RALGPS1: variants seen among roughly 807,000 people sequenced by gnomAD.
RALGPS1 encodes the protein ras-specific guanine nucleotide-releasing factor RalGPS1.
In RALGPS1, 19 loss-of-function variants were observed where a neutral mutation model predicts 78.8. The ratio of observed to expected loss-of-function variants is 0.24; its 90% CI spans 0.17 to 0.35. The LOEUF (loss-of-function observed/expected upper bound fraction) is 0.35. RALGPS1 is among the 10% of genes least tolerant of loss of function. RALGPS1 has a pLI of 1.00. For missense variants in RALGPS1, 454 were observed against 688.3 expected (o/e 0.66, Z 3.81); for synonymous variants, 228 against 256.3 (o/e 0.89, Z 1.06).
At chr9:127,155,706 C>T (rs2058671145) in intron 8 of RALGPS1, among the ~76,000 whole-genome samples, 1 of 152,236 alleles carries the variant, frequency 6.6e-6, no homozygotes, top group South Asian at 2.1e-4. Context: ...AGAGCAAAAG[C>T]AGGGAGATGT....
At chr9:126,962,420 T>A in intron 2 of RALGPS1, 74 bp downstream of exon 2, 1 of 1,480,982 alleles carries the variant, frequency 6.8e-7, no homozygotes. Flanking sequence ...CAGCTGAGCC[T>A]TGGACAGCGA....
At chr9:127,192,247 T>A (rs1302314424) in intron 11 of RALGPS1, among the ~76,000 whole-genome samples, 1 of 152,136 alleles carries the variant, frequency 6.6e-6, no homozygotes, top group Non-Finnish European at 1.5e-5. Context: ...GAGGCCATGA[T>A]GACTGTGCAG....
chr9:127,123,016 C>T (rs901462917), intron 8 of RALGPS1: 2 of 152,358 alleles, frequency 1.3e-5, no homozygotes, highest in African/African-American at 4.8e-5. Context: ...TAGATCCGCT[C>T]CAGCTGTGCG....
chr9:126,973,935 CG>C (rs2040361459), intron 3 of RALGPS1, among the ~76,000 whole-genome samples: 1 of 152,110 alleles, frequency 6.6e-6, no homozygotes, highest in Admixed American at 6.6e-5. Flanking sequence ...TGCAGTGGTG[CG>C]ATTTCGGCTC....
chr9:127,168,544 G>C (rs973458151), intron 9 of RALGPS1, 135 bp from the exon 10 acceptor site: 3 of 687,082 alleles, frequency 4.4e-6, no homozygotes, highest in Admixed American at 2.2e-5. Context: ...TCCCCAAAGA[G>C]CATCAGCAAC....
At chr9:127,096,959 G>A (rs112219358) in intron 8 of RALGPS1, among the ~76,000 whole-genome samples, 1 of 152,140 alleles carries the variant, frequency 6.6e-6, no homozygotes, top group African/African-American at 2.4e-5. Context: ...TTACCTGGTG[G>A]GTAAAGGACA....
intron 18 of RALGPS1, chr9:127,216,776 G>C: frequency 1.2e-6 from 1 of 816,420 alleles, no homozygotes; most frequent in Non-Finnish European, 1.7e-6. Flanking sequence ...GCCCCAGCTT[G>C]CATTAAGAGA....
At chr9:127,030,169 G>T (rs529900277) in intron 4 of RALGPS1, among the ~76,000 whole-genome samples, 8 of 152,160 alleles carry the variant, frequency 5.3e-5, no homozygotes, top group Non-Finnish European at 1.2e-4. Flanking sequence ...TGCCAAAGAA[G>T]GTATGGCCAG....
rs563929332 is a variant in RALGPS1, at chr9:127,115,066, G to A, written c.610+45710G>A. Among the ~76,000 whole-genome samples the A allele has an allele frequency of 8.5e-5, 13 of 152,298 alleles. No homozygotes were observed. In the East Asian group the frequency reaches 1.2e-3, roughly 14 times the overall value. ...AGTAGTATTGCTAATAATGGCTGTC[G>A]TTTGTTGTGAATTTGGGTGCCCAGC... On this transcript the variant is annotated intron_variant, in intron 8 of 18. Coordinates refer to ENST00000259351, the MANE Select transcript of RALGPS1 (RefSeq NM_014636.3).
intron 8 of RALGPS1, chr9:127,108,314 G>T: frequency 6.2e-7 from 1 of 1,613,816 alleles, no homozygotes; most frequent in Non-Finnish European, 8.5e-7. Context: ...TGCAGGAGCT[G>T]CATGTAGAGC....
chr9:127,119,808 AT>A (rs1189604005), intron 8 of RALGPS1, among the ~76,000 whole-genome samples: 2 of 151,764 alleles, frequency 1.3e-5, no homozygotes, highest in East Asian at 1.9e-4. Context: ...AAGTAGTCCC[AT>A]TTTTTTTGCC....
intron 8 of RALGPS1, among the ~76,000 whole-genome samples, chr9:127,153,680 G>C (rs1386969290): frequency 6.6e-6 from 1 of 152,142 alleles, no homozygotes; most frequent in Non-Finnish European, 1.5e-5. Flanking sequence ...CAGGGTCCTT[G>C]CTTCTTCTAA....
chr9:127,007,821 T>C (rs2043979820), intron 4 of RALGPS1, among the ~76,000 whole-genome samples: 1 of 152,028 alleles, frequency 6.6e-6, no homozygotes, highest in Non-Finnish European at 1.5e-5. Flanking sequence ...CGTCCGCTGA[T>C]AGCAGTAAGA....
chr9:127,136,984 A>T (rs1170043388), intron 8 of RALGPS1, among the ~76,000 whole-genome samples: 1 of 152,150 alleles, frequency 6.6e-6, no homozygotes, highest in East Asian at 1.9e-4. Flanking sequence ...CTAGGAACAG[A>T]TGGCCACAGG....
intron 11 of RALGPS1, chr9:127,178,106 G>A (rs1198664701): frequency 3.8e-6 from 4 of 1,058,514 alleles, no homozygotes; most frequent in Non-Finnish European, 5.3e-6. Context: ...CCAATCCCAG[G>A]GATGGCTGAG....
chr9:127,004,168 G>A (rs1432135143), intron 4 of RALGPS1, among the ~76,000 whole-genome samples: 1 of 151,140 alleles, frequency 6.6e-6, no homozygotes, highest in Non-Finnish European at 1.5e-5. Flanking sequence ...TTTTTGAGAT[G>A]GAGTTTTACT....
chr9:127,031,124 C>A (rs1053266139), intron 4 of RALGPS1, among the ~76,000 whole-genome samples: 2 of 152,222 alleles, frequency 1.3e-5, no homozygotes, highest in Non-Finnish European at 2.9e-5. Flanking sequence ...CTACCAGGGC[C>A]GTACTGGTCT....
At chr9:127,012,851 A>G (rs754825710) in intron 4 of RALGPS1, among the ~76,000 whole-genome samples, 9 of 152,168 alleles carry the variant, frequency 5.9e-5, no homozygotes, top group Non-Finnish European at 1.2e-4. Flanking sequence ...TTCAGCACCT[A>G]TTGACCAGGC....
At chr9:127,147,262 T>C (rs1317566596) in intron 8 of RALGPS1, among the ~76,000 whole-genome samples, 3 of 152,202 alleles carry the variant, frequency 2.0e-5, no homozygotes, top group Non-Finnish European at 2.9e-5. Flanking sequence ...AGGTTTCTTA[T>C]AGATTGGTTA....
Sources: gnomAD v4.1 joint callset for allele counts (sites outside exome capture counted in the v4.1 genomes callset) on GRCh38, gnomAD v4.1.1 for gene constraint, MANE v1.5 for transcripts, NCBI Gene and HGNC (gene_info 2026-07-23, HGNC 2026-07-21) for gene names.